AXIN2: variants seen among roughly 807,000 people sequenced by gnomAD.
AXIN2 encodes axin 2.
A neutral mutation model predicts 74.7 loss-of-function variants in AXIN2; 21 were observed. The observed-to-expected ratio is 0.28, with a 90% CI of 0.20 to 0.40. The LOEUF (loss-of-function observed/expected upper bound fraction) is 0.40, where lower values mean the gene tolerates loss of function less well. Among genes scored for constraint, AXIN2 ranks in the 10% least tolerant of loss-of-function variants. The pLI is 1.00. For missense variants in AXIN2, 1,144 were observed against 1,111.1 expected (o/e 1.03, Z -0.42); for synonymous variants, 532 against 454.9 (o/e 1.17, Z -2.16).
chr17:65,538,024 G>T (rs1023976249), intron 5 of AXIN2, 179 bp downstream of exon 5: 5 of 1,341,414 alleles, frequency 3.7e-6, no homozygotes, highest in Non-Finnish European at 5.2e-6. Flanking sequence ...ACACCCACAC[G>T]CAACCCATGC....
chr17:65,557,310 A>T (rs1039289043), intron 2 of AXIN2, among the ~76,000 whole-genome samples: 2 of 152,142 alleles, frequency 1.3e-5, no homozygotes, highest in African/African-American at 4.8e-5. Flanking sequence ...GCTGGCTCTT[A>T]TCTTAACAGA....
intron 10 of AXIN2, among the ~76,000 whole-genome samples, chr17:65,530,896 T>C (rs1026513879): frequency 6.6e-6 from 1 of 152,162 alleles, no homozygotes; most frequent in South Asian, 2.1e-4. Flanking sequence ...GGCTGTTTAA[T>C]TGTACAGATG....
chr17:65,549,436 T>G, intron 3 of AXIN2, 84 bp downstream of exon 3: 1 of 1,572,900 alleles, frequency 6.4e-7, no homozygotes, highest in South Asian at 1.1e-5. Context: ...CAAAGCCAGC[T>G]GAGGATGACA....
intron 10 of AXIN2, among the ~76,000 whole-genome samples, chr17:65,532,333 G>C (rs2043835850): frequency 6.6e-6 from 1 of 152,176 alleles, no homozygotes; most frequent in South Asian, 2.1e-4. Context: ...TCCACTCGAA[G>C]TCCAGCCGAG....
chr17:65,546,034 C>A (rs935185467), intron 3 of AXIN2, among the ~76,000 whole-genome samples: 1 of 151,228 alleles, frequency 6.6e-6, no homozygotes, highest in African/African-American at 2.4e-5. Context: ...CTGCCTGTGA[C>A]CCCCTCTCTC....
chr17:65,545,633 CAACAGAGTGAGACTCT>C (rs1487070223), intron 3 of AXIN2, among the ~76,000 whole-genome samples: 1 of 152,062 alleles, frequency 6.6e-6, no homozygotes, highest in Admixed American at 6.6e-5. Context: ...TCCAGCCTGG[CAACAGAGTGAGACTCT>C]GTCTCAAAAA....
intron 2 of AXIN2, among the ~76,000 whole-genome samples, chr17:65,550,733 G>A (rs2044179890): frequency 6.6e-6 from 1 of 152,198 alleles, no homozygotes; most frequent in Non-Finnish European, 1.5e-5. Flanking sequence ...TGGCCGTGGG[G>A]TTGGCAAATG....
rs2043782887 is a variant in AXIN2, at chr17:65,529,616, G to T, written c.*360C>A. ...CAACTGTTCTATAAATATCAGTAAGGATTCCTGTTCAGGTAAGCTATACAC... is the reference window on the plus strand; with the variant it reads ...CAACTGTTCTATAAATATCAGTAAGTATTCCTGTTCAGGTAAGCTATACAC... On this transcript the variant is annotated 3_prime_UTR_variant, in exon 11 of 11. Coordinates refer to ENST00000307078, the MANE Select transcript of AXIN2 (RefSeq NM_004655.4). The T allele has an allele frequency of 2.5e-6, 1 of 401,990 alleles. No homozygotes were observed. The highest frequency in any genetic ancestry group is 4.6e-6 in the Non-Finnish European group (1 of 216,118). The allele number at this position is 401,990 out of a possible 1,614,324, so 24.9% of individuals were successfully genotyped here.
Position 65,534,088 on chromosome 17 carries a change from A to T in AXIN2, c.2238-9T>A, listed in dbSNP as rs1245915542. 1 of 1,614,222 alleles carries T rather than the reference A, an allele frequency of 6.2e-7. No homozygotes were observed. Among genetic ancestry groups the T allele is most frequent in the Admixed American group, 1.7e-5 (1 of 60,024 alleles). ...TCTTTGGCTCTTTGTGACTGAAAAT[A>T]AGATGGAATGGAACAAGTTTAGCAT... On this transcript the variant is annotated splice_polypyrimidine_tract_variant and intron_variant, in intron 9 of 10. Transcript: ENST00000307078.
At position 65,537,923 on chromosome 17, in the gene AXIN2, G is replaced by A. The variant is rs575130589; in HGVS notation, c.1201-88C>T. 80 of 1,470,258 alleles carry A rather than the reference G, an allele frequency of 5.4e-5. No homozygotes were observed. In the East Asian group the frequency reaches 1.9e-3, roughly 35 times the overall value. The allele number at this position is 1,470,258 out of a possible 1,614,324, so 91.1% of individuals were successfully genotyped here. On this transcript the variant is annotated intron_variant, in intron 5 of 10. Coordinates refer to ENST00000307078, the MANE Select transcript of AXIN2 (RefSeq NM_004655.4). Reference sequence around the variant, plus strand: ...GTTGCAACATTCGGCTCCCTACGCAGGAGCACGCACACCCGTGTGCACGCC... The same window carrying A: ...GTTGCAACATTCGGCTCCCTACGCAAGAGCACGCACACCCGTGTGCACGCC...
chr17:65,556,072 G>A (rs1012321703), intron 2 of AXIN2, among the ~76,000 whole-genome samples: 2 of 152,154 alleles, frequency 1.3e-5, no homozygotes, highest in African/African-American at 4.8e-5. Flanking sequence ...AAAGCTTCAT[G>A]AGTTGCATCC....
At chr17:65,551,923 G>C (rs2044199409) in intron 2 of AXIN2, among the ~76,000 whole-genome samples, 1 of 152,164 alleles carries the variant, frequency 6.6e-6, no homozygotes, top group East Asian at 1.9e-4. Flanking sequence ...TGCAGACCAG[G>C]AGCACTGCAC....
rs778710067 is a variant in AXIN2 at position 65,537,401 on chromosome 17, C to G, written c.1635G>C (p.Gly545=). 11 of 1,613,938 alleles carry G rather than the reference C, an allele frequency of 6.8e-6. No individual in the cohort carries two copies. The highest frequency in any genetic ancestry group is 9.3e-6 in the Non-Finnish European group (11 of 1,180,030). ...ATQRVHCFCP[G]GSEYYCYSKC... ...TCGAGTAGCAGTAATACTCGCTGCCCCCAGGGCAGAAGCAGTGCACCCGCT... is the reference window on the plus strand; with the variant it reads ...TCGAGTAGCAGTAATACTCGCTGCCGCCAGGGCAGAAGCAGTGCACCCGCT... The change falls in exon 6 of 11, where the codon GGG becomes GGC. Residue 545 remains glycine, a synonymous_variant. Transcript: ENST00000307078.
At chr17:65,557,644 CT>C (rs540704320) in intron 2 of AXIN2, among the ~76,000 whole-genome samples, 161 bp downstream of exon 2, 45 of 151,434 alleles carry the variant, frequency 3.0e-4, no homozygotes, top group African/African-American at 1.1e-3. Flanking sequence ...CGCTTTCCCC[CT>C]GTTTCAACAA....
intron 5 of AXIN2, 101 bp downstream of exon 5, chr17:65,538,102 A>C: frequency 6.3e-7 from 1 of 1,583,526 alleles, no homozygotes; most frequent in Non-Finnish European, 8.6e-7. Flanking sequence ...CATGCAACCC[A>C]CGCACATGCG....
At chr17:65,553,753 C>T (rs1373099366) in intron 2 of AXIN2, among the ~76,000 whole-genome samples, 5 of 146,200 alleles carry the variant, frequency 3.4e-5, no homozygotes, top group East Asian at 2.0e-4. Flanking sequence ...GGCAGAGACT[C>T]GGTATTTCAG....
chr17:65,559,346 C>T (rs937399921), intron 1 of AXIN2: 1 of 150,908 alleles, frequency 6.6e-6, no homozygotes, highest in African/African-American at 2.4e-5. Context: ...AAGAGAAGCC[C>T]GCCCAGCATA....
chr17:65,541,319 C>G (rs2044038828), intron 4 of AXIN2, 136 bp downstream of exon 4: 7 of 789,308 alleles, frequency 8.9e-6, no homozygotes, highest in Non-Finnish European at 1.6e-5. Context: ...TCTTTTCTCT[C>G]CCTTTGCCCT....
chr17:65,530,654 A>G (rs2043800946), intron 10 of AXIN2, among the ~76,000 whole-genome samples: 1 of 152,182 alleles, frequency 6.6e-6, no homozygotes, highest in Non-Finnish European at 1.5e-5. Flanking sequence ...TCCAGGTCCC[A>G]AGTGCAACAC....
Sources: allele counts gnomAD v4.1 joint callset (sites outside exome capture counted in the v4.1 genomes callset), GRCh38; gene constraint gnomAD v4.1.1; transcripts MANE v1.5; gene names NCBI Gene and HGNC (gene_info 2026-07-23, HGNC 2026-07-21).